MICALL2: variants seen among roughly 807,000 people sequenced by gnomAD.
The protein encoded by MICALL2 is MICAL-like protein 2.
Under a neutral mutation model 91.1 loss-of-function variants are expected in MICALL2, and 111 were observed. The ratio of observed to expected loss-of-function variants is 1.22; its 90% confidence interval spans 1.04 to 1.43. The LOEUF is 1.43. Among genes scored for constraint, MICALL2 ranks in the 40% most tolerant of loss-of-function variants. The probability of loss-of-function intolerance (pLI) is 0.00; values close to 1 mark genes in which losing one functional copy is unlikely to be tolerated. For missense variants in MICALL2, 1,556 were observed against 1,236.0 expected (o/e 1.26, Z -3.88); for synonymous variants, 694 against 525.3 (o/e 1.32, Z -4.39).
chr7:1,445,448 G>C lies in MICALL2; in HGVS notation c.642-20C>G. 1 of 1,498,466 alleles carries C rather than the reference G, an allele frequency of 6.7e-7. No homozygotes were observed. The highest frequency in any genetic ancestry group is 1.4e-5 in the African/African-American group (1 of 72,088). The allele number at this position is 1,498,466 out of a possible 1,614,324, so 92.8% of individuals were successfully genotyped here. A position where few individuals can be genotyped will look rare whatever the true frequency, so the allele number is the denominator to read the frequency against. On this transcript the variant is annotated intron_variant, in intron 5 of 16. Transcript: ENST00000297508. ...TTACACCTGGGGGAGGAAAGGCACA[G>C]GAGCCCCAGCTCGGCACCGCCCACC... is the stretch of plus-strand genomic sequence containing the variant.
Position 1,436,793 on chromosome 7 carries a change from G to A in MICALL2, c.2540C>T (p.Thr847Ile), listed in dbSNP as rs1358613629. 1.2e-6 allele frequency: 2 copies of A among 1,608,888 alleles called. No individual in the cohort carries two copies. The highest frequency in any genetic ancestry group is 2.2e-5 in the East Asian group (1 of 44,494). The change falls in exon 15 of 17, where the codon ACC becomes ATC. Residue 847 changes from threonine to isoleucine, a missense_variant. Thr to Ile is a moderately conservative substitution (Grantham distance 89). Coordinates refer to ENST00000297508, the MANE Select transcript of MICALL2 (RefSeq NM_182924.4). The stretch of plus-strand genomic sequence containing the variant: ...CACGATGTCACTGCGGTCGTTCACG[G>A]TGCTCACGTACTGCTCCAGCAGCTC... The part of the protein sequence containing the change: ...EQELLEQYVS[T>I]VNDRSDIVDS...
chr7:1,445,003 G>A lies in MICALL2; in HGVS notation c.1067C>T (p.Ala356Val), dbSNP rs112233663. The change falls in exon 6 of 17, where the codon GCA (alanine) becomes GTA (valine). Residue 356 changes from alanine (A) to valine (V), a missense_variant. Physicochemically the swap from Ala to Val is moderately conservative, Grantham distance 64. Transcript: ENST00000297508. ...CACGGCGGGATGGGAGGCAGCCGCT[G>A]CTGTGCACGGGGCAGCTGACGACCA... ...MGWSSAAPCT[A>V]AAASHPAVPP... 3 of 1,514,788 alleles carry A rather than the reference G, an allele frequency of 2.0e-6. No individual in the cohort carries two copies. The highest frequency in any genetic ancestry group is 2.1e-5 in the Admixed American group (1 of 48,638). The allele number at this position is 1,514,788 out of a possible 1,614,324, so 93.8% of individuals were successfully genotyped here.
At position 1,438,981 on chromosome 7, in the gene MICALL2, G is replaced by C. The variant is rs940377657; in HGVS notation, c.1981C>G (p.Pro661Ala). Residue 661 changes from proline (P) to alanine (A), a missense_variant, in exon 10 of 17, where the codon CCA becomes GCA. By Grantham distance (27) the Pro-to-Ala change is conservative. Transcript: ENST00000297508. ...ACGGCCAGTCTCCTGCGGCGGGGTG[G>C]GGAGGGGGACCTGGCTGCCCCCAGG... ...GPSLPARSPS[P>A]PRRRRLAVPA... 1.3e-6 allele frequency: 2 copies of C among 1,595,566 alleles called. No homozygotes were observed. The highest frequency in any genetic ancestry group is 1.7e-6 in the Non-Finnish European group (2 of 1,176,948).
chr7:1,434,789 G>T, intron 16 of MICALL2, 117 bp from the exon 17 acceptor site: 1 of 1,094,996 alleles, frequency 9.1e-7, no homozygotes, highest in Non-Finnish European at 1.3e-6. Context: ...TCCGCCCTGG[G>T]CCTCCGAGCC....
intron 5 of MICALL2, 106 bp from the exon 6 acceptor site, chr7:1,445,534 C>G (rs1311274585): frequency 8.5e-7 from 1 of 1,179,252 alleles, no homozygotes; most frequent in Non-Finnish European, 1.2e-6. Flanking sequence ...TGTCCACTTG[C>G]GAGGTTGCTG....
chr7:1,439,361 GAA>G, intron 9 of MICALL2: 1 of 243,818 alleles, frequency 4.1e-6, no homozygotes, highest in Non-Finnish European at 7.9e-6. Context: ...TCACATTCAT[GAA>G]ACAGATCCAC....
chr7:1,438,460 G>A (rs997207674), intron 10 of MICALL2, 107 bp from the exon 11 acceptor site: 30 of 1,500,954 alleles, frequency 2.0e-5, no homozygotes, highest in African/African-American at 5.6e-5. Context: ...GCTGGCCCCA[G>A]CCCTGCCTCC....
chr7:1,445,282 A>G lies in MICALL2; in HGVS notation c.788T>C (p.Met263Thr). 1 of 1,612,386 alleles carries G rather than the reference A, an allele frequency of 6.2e-7. No homozygotes were observed. The highest frequency in any genetic ancestry group is 8.5e-7 in the Non-Finnish European group (1 of 1,179,828). ...TGLVPRQPGA[M>T]GVDSRTSCSP... ...ACAGGAGGTCCTGGAATCCACACCC[A>G]TGGCCCCTGGCTGTCGGGGGACCAG... Residue 263 changes from methionine (M) to threonine (T), a missense_variant, in exon 6 of 17, where the codon ATG becomes ACG. Transcript: ENST00000297508.
chr7:1,444,399 A>C (rs1780460248), intron 6 of MICALL2, among the ~76,000 whole-genome samples: 1 of 152,134 alleles, frequency 6.6e-6, no homozygotes, highest in South Asian at 2.1e-4. Flanking sequence ...GCGCCACCGC[A>C]CCCATGACGC....
intron 15 of MICALL2, among the ~76,000 whole-genome samples, chr7:1,435,577 C>T (rs1040466158): frequency 2.0e-5 from 3 of 152,094 alleles, no homozygotes; most frequent in Non-Finnish European, 4.4e-5. Context: ...AGAAGGGCCT[C>T]GGCCGACCCA....
At chr7:1,455,175 C>T (rs1369914508) in intron 1 of MICALL2, among the ~76,000 whole-genome samples, 7 of 152,232 alleles carry the variant, frequency 4.6e-5, no homozygotes, top group Non-Finnish European at 8.8e-5. Context: ...CCCCCTGCCC[C>T]ATCTGCCCGA....
At chr7:1,439,895 C>T (rs761247110) in intron 9 of MICALL2, 30 bp downstream of exon 9, 54 of 1,402,798 alleles carry the variant, frequency 3.8e-5, no homozygotes, top group Admixed American at 7.5e-5. Flanking sequence ...CTAGGCAACC[C>T]GGGGGCCCCT....
chr7:1,444,862 G>T lies in MICALL2; in HGVS notation c.1208C>A (p.Pro403His). ...SSSTSAATVD[P>H]PAWTPSASRT... Reference sequence around the variant, plus strand: ...GGAGGCGGACGGGGTCCAGGCTGGGGGGTCCACCGTGGCTGCAGATGTGGA... The same window carrying T: ...GGAGGCGGACGGGGTCCAGGCTGGGTGGTCCACCGTGGCTGCAGATGTGGA... Residue 403 changes from proline to histidine, a missense_variant, in exon 6 of 17, where the codon CCC becomes CAC. Transcript: ENST00000297508. 1 of 1,601,970 alleles carries T rather than the reference G, an allele frequency of 6.2e-7. No individual in the cohort carries two copies. The highest frequency in any genetic ancestry group is 8.5e-7 in the Non-Finnish European group (1 of 1,176,580).
chr7:1,448,882 C>A, intron 2 of MICALL2, 121 bp from the exon 3 acceptor site: 1 of 1,241,162 alleles, frequency 8.1e-7, no homozygotes, highest in South Asian at 1.4e-5. Context: ...GGTTGGAGGC[C>A]GGAGCTGAGT....
In MICALL2 at chr7:1,434,371, T is replaced by C; in HGVS notation, c.*225A>G. Reference sequence around the variant, plus strand: ...AGGCACGTAGGAGTCCGGGGCCATGTGGTCGGTTTCTTTATTGAGACCACA... The same window carrying C: ...AGGCACGTAGGAGTCCGGGGCCATGCGGTCGGTTTCTTTATTGAGACCACA... On this transcript the variant is annotated 3_prime_UTR_variant, in exon 17 of 17. Coordinates refer to ENST00000297508, the MANE Select transcript of MICALL2 (RefSeq NM_182924.4). 1.5e-6 allele frequency: 1 copy of C among 661,186 alleles called. No homozygotes were observed. Among genetic ancestry groups the C allele is most frequent in the South Asian group, 1.5e-5 (1 of 65,910 alleles). The allele number at this position is 661,186 out of a possible 1,614,324, so 41.0% of individuals were successfully genotyped here.
chr7:1,444,249 G>C (rs1161961112), intron 6 of MICALL2, among the ~76,000 whole-genome samples: 1 of 137,914 alleles, frequency 7.3e-6, no homozygotes, highest in Non-Finnish European at 1.5e-5. Flanking sequence ...CGCCAGCGTG[G>C]GTCCCGCTCG....
rs1333244469 is a variant in MICALL2, at chr7:1,452,109, G to A, written c.144-1821C>T. On this transcript the variant is annotated intron_variant, in intron 1 of 16. Transcript: ENST00000297508. This position sits in a 1 kb window ranked among gnomAD's most constrained non-coding sequence, Gnocchi z 6.2. Reference sequence around the variant, plus strand: ...GGGAACCCTCCACCGTTTCCAGCTTGGACCCCCTCCCAGGTAACAGGTTTC... The same window carrying A: ...GGGAACCCTCCACCGTTTCCAGCTTAGACCCCCTCCCAGGTAACAGGTTTC... 6.6e-6 allele frequency among the ~76,000 whole-genome samples: 1 copy of A among 152,096 alleles called. No homozygotes were observed. The highest frequency in any genetic ancestry group is 1.5e-5 in the Non-Finnish European group (1 of 68,012).
At chr7:1,434,921 G>T in intron 16 of MICALL2, 180 bp downstream of exon 16, 1 of 754,204 alleles carries the variant, frequency 1.3e-6, no homozygotes. Context: ...GCGGGAGGGA[G>T]CTCTCACCCT....
At chr7:1,447,870 G>A (rs1163743448) in intron 3 of MICALL2, 105 bp from the exon 4 acceptor site, 13 of 900,412 alleles carry the variant, frequency 1.4e-5, no homozygotes, top group Non-Finnish European at 2.0e-5. Context: ...TGCCCGGGGG[G>A]GACCTGGGGG....
Sources: gnomAD v4.1 joint callset for allele counts (sites outside exome capture counted in the v4.1 genomes callset) on GRCh38, gnomAD v4.1.1 for gene constraint, Gnocchi (gnomAD v3.1) non-coding constraint, MANE v1.5 for transcripts, NCBI Gene and HGNC (gene_info 2026-07-23, HGNC 2026-07-21) for gene names.